OTUD4: variants seen among roughly 807,000 people sequenced by gnomAD.
OTUD4 encodes OTU domain-containing protein 4.
Under a neutral mutation model 130.4 loss-of-function variants are expected in OTUD4, and 24 were observed. The ratio of observed to expected loss-of-function variants is 0.18; its 90% CI spans 0.13 to 0.26. OTUD4 has a LOEUF of 0.26. Ranked by LOEUF, OTUD4 falls within the 10% of genes least tolerant of loss-of-function variation. The pLI, the probability that OTUD4 is intolerant of heterozygous loss-of-function variation, is 1.00. For missense variants in OTUD4, 1,031 were observed against 1,329.4 expected (o/e 0.78, Z 3.49); for synonymous variants, 420 against 472.5 (o/e 0.89, Z 1.44).
At chr4:145,159,216 A>T in intron 7 of OTUD4, 1 of 1,122,584 alleles carries the variant, frequency 8.9e-7, no homozygotes, top group Non-Finnish European at 1.1e-6. Context: ...ATTTTACAAT[A>T]CACACACATA....
intron 3 of OTUD4, among the ~76,000 whole-genome samples, chr4:145,168,951 G>T (rs2126799077): frequency 6.6e-6 from 1 of 152,326 alleles, no homozygotes; most frequent in East Asian, 1.9e-4. Flanking sequence ...TACATACACA[G>T]ATTATTTTTC....
At position 145,162,187 on chromosome 4, in the gene OTUD4, G is replaced by A. The variant is rs745988257; in HGVS notation, c.496+453C>T. Among the ~76,000 whole-genome samples, 19 of 152,036 alleles carry A rather than the reference G, an allele frequency of 1.2e-4. 1 individual carries two copies. The highest frequency in any genetic ancestry group is 2.8e-4 in the Non-Finnish European group (19 of 68,002). ...TTTTATTATAATATTAATACTCTTG[G>A]TAATTTAAGGTTCTTGGACATATCT... On this transcript the variant is annotated intron_variant, in intron 6 of 20. Transcript: ENST00000447906.
chr4:145,143,809 C>T (rs1409246128), intron 16 of OTUD4, 137 bp downstream of exon 16: 1 of 659,704 alleles, frequency 1.5e-6, no homozygotes, highest in Non-Finnish European at 2.6e-6. Flanking sequence ...TCCCCATCAT[C>T]TTTTCCCTGC....
chr4:145,159,826 G>A (rs1751469511), intron 6 of OTUD4, among the ~76,000 whole-genome samples, 191 bp from the exon 7 acceptor site: 1 of 152,160 alleles, frequency 6.6e-6, no homozygotes, highest in African/African-American at 2.4e-5. Context: ...ATTTCTGTAA[G>A]TGCAGTTAAG....
intron 20 of OTUD4, among the ~76,000 whole-genome samples, 153 bp downstream of exon 20, chr4:145,139,792 CCAAAAA>C (rs1750468821): frequency 6.6e-6 from 1 of 152,032 alleles, no homozygotes; most frequent in Admixed American, 6.6e-5. Flanking sequence ...TCTACTAGCA[CCAAAAA>C]CAAACGATAT....
At chr4:145,166,782 TAAG>T in intron 3 of OTUD4, among the ~76,000 whole-genome samples, 1 of 152,140 alleles carries the variant, frequency 6.6e-6, no homozygotes, top group East Asian at 1.9e-4. Flanking sequence ...AGCAGTCGAG[TAAG>T]CCGAGATCGC....
intron 10 of OTUD4, among the ~76,000 whole-genome samples, chr4:145,155,168 C>G (rs1751227804): frequency 6.6e-6 from 1 of 152,126 alleles, no homozygotes; most frequent in Non-Finnish European, 1.5e-5. Context: ...ATACCAAAGG[C>G]TGAATTGTTT....
chr4:145,157,837 C>T (rs1321334722), intron 7 of OTUD4, among the ~76,000 whole-genome samples: 1 of 152,116 alleles, frequency 6.6e-6, no homozygotes, highest in Non-Finnish European at 1.5e-5. Flanking sequence ...TAAACTTCTC[C>T]AGCTTACTAG....
At position 145,144,361 on chromosome 4, in the gene OTUD4, T is replaced by A. The variant is rs780307091; in HGVS notation, c.1496A>T (p.Asp499Val). The change falls in exon 15 of 21, where the codon GAT (aspartate) becomes GTT (valine). Residue 499 changes from aspartate to valine, a missense_variant. Physicochemically the swap from Asp to Val is radical, Grantham distance 152 (BLOSUM62 -3). Transcript: ENST00000447906. ...CATTCTCCGCCTGCTTCCTTTTCTA[T>A]CACCTACATGTGATGATTTTCTCTG... ...CVQRKSSHVG[D>V]RKGSRRRMDT... 2 of 1,612,970 alleles carry A rather than the reference T, an allele frequency of 1.2e-6. No homozygotes were observed. The highest frequency in any genetic ancestry group is 2.2e-5 in the South Asian group (2 of 90,950).
chr4:145,158,278 C>T (rs753692625), intron 7 of OTUD4, among the ~76,000 whole-genome samples: 1 of 152,060 alleles, frequency 6.6e-6, no homozygotes, highest in Admixed American at 6.5e-5. Flanking sequence ...GTCAGGAGAT[C>T]GAGACCATCC....
chr4:145,144,270 G>A (rs1750717937), intron 15 of OTUD4, 41 bp downstream of exon 15: 3 of 1,590,268 alleles, frequency 1.9e-6, no homozygotes, highest in Non-Finnish European at 8.5e-7. Context: ...GTCATCTAAA[G>A]AGATCTCTAG....
At chr4:145,142,806 T>C (rs1486118554) in intron 17 of OTUD4, among the ~76,000 whole-genome samples, 1 of 152,282 alleles carries the variant, frequency 6.6e-6, no homozygotes, top group Non-Finnish European at 1.5e-5. Context: ...CTTACCAATA[T>C]GAAGAATGTT....
chr4:145,151,299 T>A, intron 11 of OTUD4, among the ~76,000 whole-genome samples: 1 of 152,130 alleles, frequency 6.6e-6, no homozygotes, highest in Middle Eastern at 3.2e-3. Flanking sequence ...TATGCCAATT[T>A]CATTTTCATT....
chr4:145,138,030 G>T lies in OTUD4; in HGVS notation c.2745C>A (p.Ala915=), dbSNP rs1194702176. ...GGAGAGAATGTACATGTTCACCCCT[G>T]GCTTCTGGAAACTCATCTACTGTTG... ...SVSTVDEFPE[A]RGEHVHSLPE... The change falls in exon 21 of 21, where the codon GCC becomes GCA. Residue 915 remains alanine (A), a synonymous_variant. Coordinates refer to ENST00000447906, the MANE Select transcript of OTUD4 (RefSeq NM_001366057.1). 6.2e-7 allele frequency: 1 copy of T among 1,614,022 alleles called. No homozygotes were observed. Among genetic ancestry groups the T allele is most frequent in the Non-Finnish European group, 8.5e-7 (1 of 1,180,044 alleles).
At chr4:145,178,158 TA>T (rs1028250444) in intron 1 of OTUD4, 3 of 152,214 alleles carry the variant, frequency 2.0e-5, no homozygotes, top group African/African-American at 7.2e-5. Context: ...TAGTGTAAAC[TA>T]GCTCTTGCCC....
intron 3 of OTUD4, among the ~76,000 whole-genome samples, chr4:145,167,422 A>T (rs568612086): frequency 6.6e-6 from 1 of 152,332 alleles, no homozygotes; most frequent in East Asian, 1.9e-4. Context: ...GCCTCAGCCT[A>T]ACAATCATGG....
rs1487161857 is a variant in OTUD4, at chr4:145,134,754, G to A, written c.*2676C>T. On this transcript the variant is annotated 3_prime_UTR_variant, in exon 21 of 21. Transcript: ENST00000447906. ...CATGGGGCAAGAGTTGAAGATTTGA[G>A]AGGAAATGAAGAGACATACACAACA... 1.3e-5 allele frequency: 5 copies of A among 398,844 alleles called. No homozygotes were observed. Among genetic ancestry groups the A allele is most frequent in the Non-Finnish European group, 2.2e-5 (5 of 226,026 alleles). The allele number at this position is 398,844 out of a possible 1,614,324, so 24.7% of individuals were successfully genotyped here.
At chr4:145,162,767 AACATTT>A in intron 5 of OTUD4, 46 bp from the exon 6 acceptor site, 1 of 935,150 alleles carries the variant, frequency 1.1e-6, no homozygotes, top group Non-Finnish European at 1.7e-6. Flanking sequence ...TCATACATAT[AACATTT>A]ACATAGCAAT....
At chr4:145,165,756 G>A (rs896661514) in intron 3 of OTUD4, among the ~76,000 whole-genome samples, 3 of 152,102 alleles carry the variant, frequency 2.0e-5, no homozygotes, top group Non-Finnish European at 2.9e-5. Flanking sequence ...GATTACAAGC[G>A]TGAGCCACTG....
Sources: allele counts gnomAD v4.1 joint callset (sites outside exome capture counted in the v4.1 genomes callset), GRCh38; gene constraint gnomAD v4.1.1; transcripts MANE v1.5; gene names NCBI Gene and HGNC (gene_info 2026-07-23, HGNC 2026-07-21).